The following RPS29 variants were observed in gnomAD, a reference collection of about 807,000 sequenced individuals.
RPS29 encodes the protein small ribosomal subunit protein uS14.
For missense variants in RPS29, 60 were observed against 75.7 expected, an observed-to-expected ratio of 0.79 and a Z score of 0.77; for synonymous variants, 37 against 26.9, an observed-to-expected ratio of 1.37 and a Z score of -1.16.
chr14:49,585,061 G>T (rs1881479755), intron 2 of RPS29, among the ~76,000 whole-genome samples: 1 of 151,912 alleles, frequency 6.6e-6, no homozygotes, highest in South Asian at 2.1e-4. Flanking sequence ...TCATTCCAGT[G>T]TATGACGCTT....
chr14:49,587,479 A>T (rs1881615113), upstream of RPS29, among the ~76,000 whole-genome samples: 1 of 152,230 alleles, frequency 6.6e-6, no homozygotes, highest in African/African-American at 2.4e-5. Context: ...TTTTACATAT[A>T]AACTTTTATA....
At chr14:49,585,847 A>C in intron 2 of RPS29, 103 bp downstream of exon 2, 1 of 862,046 alleles carries the variant, frequency 1.2e-6, no homozygotes, top group Non-Finnish European at 1.9e-6. Flanking sequence ...AATGCTCAGA[A>C]TTACCACTCC....
At chr14:49,590,100 T>C (rs1053196078), upstream of RPS29, among the ~76,000 whole-genome samples, 13 of 152,232 alleles carry the variant, frequency 8.5e-5, no homozygotes, top group African/African-American at 2.4e-4. Context: ...GCTTATTACC[T>C]GGGTGATGAA....
At chr14:49,575,758 G>C (rs1881163228) in exon 3 of RPS29, 1 of 152,208 alleles carries the variant, frequency 6.6e-6, no homozygotes, top group Non-Finnish European at 1.5e-5. Flanking sequence ...TCTGAGGTAG[G>C]AGGATTACTT....
chr14:49,584,886 A>C lies in RPS29; in HGVS notation c.162+1064T>G, dbSNP rs552071699. On this transcript the variant is annotated intron_variant, in intron 2 of 2. Coordinates refer to ENST00000245458, the MANE Select transcript of RPS29 (RefSeq NM_001032.5). ...AAATTCGTTTTCACCTTAAAAAAAA[A>C]AACCCAAACTACTATTTAAAAGATT... Among the ~76,000 whole-genome samples, 40 of 152,066 alleles carry C rather than the reference A, an allele frequency of 2.6e-4. 1 individual carries two copies. The East Asian group carries it at 7.5e-3, about 29-fold the overall frequency.
At chr14:49,591,415 G>A (rs776808084) in intron 1 of RPS29, among the ~76,000 whole-genome samples, 2 of 151,780 alleles carry the variant, frequency 1.3e-5, no homozygotes, top group African/African-American at 2.4e-5. Flanking sequence ...CGGCTCAAGC[G>A]ATTCTCCTGC....
chr14:49,580,055 C>CCAT (rs544479216), downstream of RPS29, among the ~76,000 whole-genome samples: 1,465 of 152,148 alleles, frequency 9.6e-3, 22 homozygotes, highest in African/African-American at 0.034. Flanking sequence ...ACCATGTATA[C>CCAT]ACAGGGATAG....
chr14:49,594,881 C>T (rs1025716611), intron 1 of RPS29, among the ~76,000 whole-genome samples: 1 of 152,224 alleles, frequency 6.6e-6, no homozygotes, highest in Non-Finnish European at 1.5e-5. Context: ...GATGACAGCT[C>T]TGGCTCTGAG....
At chr14:49,574,244 G>A (rs1019840625) in exon 3 of RPS29, 2 of 152,174 alleles carry the variant, frequency 1.3e-5, no homozygotes, top group Non-Finnish European at 2.9e-5. Flanking sequence ...CGAGGGAGCT[G>A]TTTACACGGT....
At chr14:49,579,115 G>T (rs914837022), downstream of RPS29, among the ~76,000 whole-genome samples, 2 of 152,070 alleles carry the variant, frequency 1.3e-5, no homozygotes, top group Non-Finnish European at 2.9e-5. Context: ...GTAGGAGGTG[G>T]GGCATTTTGG....
downstream of RPS29, among the ~76,000 whole-genome samples, chr14:49,582,751 T>C (rs1881378175): frequency 6.6e-6 from 1 of 152,194 alleles, no homozygotes; most frequent in African/African-American, 2.4e-5. Context: ...CTAATAGGCT[T>C]CCAGATGACA....
At chr14:49,574,890 G>A (rs1406528402) in exon 3 of RPS29, 1 of 152,234 alleles carries the variant, frequency 6.6e-6, no homozygotes, top group Non-Finnish European at 1.5e-5. Context: ...TGGTCATTTA[G>A]GCTTAGAGCA....
intron 2 of RPS29, among the ~76,000 whole-genome samples, chr14:49,584,343 C>T (rs866653913): frequency 6.6e-5 from 10 of 152,220 alleles, no homozygotes; most frequent in African/African-American, 2.4e-4. Context: ...GATATACTAC[C>T]TCTCAAATTA....
chr14:49,586,183 C>A, intron 1 of RPS29, 102 bp downstream of exon 1: 4 of 1,410,716 alleles, frequency 2.8e-6, no homozygotes, highest in South Asian at 2.3e-5. Context: ...GACTCCCAGT[C>A]GGCGTGCTCC....
chr14:49,583,971 C>T (rs891349358), intron 2 of RPS29, among the ~76,000 whole-genome samples: 2 of 152,166 alleles, frequency 1.3e-5, no homozygotes, highest in Admixed American at 1.3e-4. Flanking sequence ...CAGTAGGCAA[C>T]TATAATTACA....
At chr14:49,590,688 CTT>C (rs541653189), upstream of RPS29, among the ~76,000 whole-genome samples, 3 of 143,104 alleles carry the variant, frequency 2.1e-5, no homozygotes, top group Middle Eastern at 3.6e-3. Context: ...AGAATTAGGT[CTT>C]TTTTTTTTTT....
chr14:49,575,885 T>C (rs1462912091), exon 3 of RPS29: 1 of 152,218 alleles, frequency 6.6e-6, no homozygotes, highest in Admixed American at 6.5e-5. Context: ...AGCAAATTAC[T>C]TTATGTTCAA....
In RPS29 at chr14:49,586,083, T is replaced by C. The variant is rs530337814; in HGVS notation, c.63-34A>G. On this transcript the variant is annotated intron_variant, in intron 1 of 2. Transcript: ENST00000245458. ...AAAGAGACAGCGGTTTTGCAGGTCA[T>C]AGAAATTACAAGACTCCGCACTCAG... 2.0e-5 allele frequency: 31 copies of C among 1,585,884 alleles called. No individual in the cohort carries two copies. In the East Asian group the frequency reaches 3.8e-4, roughly 20 times the overall value.
chr14:49,586,130 G>C, intron 1 of RPS29, 81 bp from the exon 2 acceptor site: 3 of 1,430,806 alleles, frequency 2.1e-6, no homozygotes, highest in Non-Finnish European at 2.0e-6. Flanking sequence ...CCGCATCCCG[G>C]GACTCCCAAG....
Sources: allele counts gnomAD v4.1 joint callset (sites outside exome capture counted in the v4.1 genomes callset), GRCh38; gene constraint gnomAD v4.1.1; transcripts MANE v1.5; gene names NCBI Gene and HGNC (gene_info 2026-07-23, HGNC 2026-07-21).